The following UNC13C variants were observed in gnomAD, a reference collection of about 807,000 sequenced individuals.
UNC13C encodes protein unc-13 homolog C.
Under a neutral mutation model 245.4 loss-of-function variants are expected in UNC13C, and 174 were observed. The ratio of observed to expected loss-of-function variants is 0.71; its 90% CI spans 0.63 to 0.80. The LOEUF is 0.80. Among genes scored for constraint, UNC13C ranks in the 30% least tolerant of loss-of-function variants. The pLI, the probability that UNC13C is intolerant of heterozygous loss-of-function variation, is 0.00. For missense variants in UNC13C, 2,829 were observed against 2,602.9 expected, an observed-to-expected ratio of 1.09 and a Z score of -1.89; for synonymous variants, 992 against 895.1, an observed-to-expected ratio of 1.11 and a Z score of -1.93.
chr15:53,909,233 CT>C, the UNC13C span, among the ~76,000 whole-genome samples: 2 of 146,592 alleles, frequency 1.4e-5, no homozygotes, highest in Non-Finnish European at 3.1e-5. Flanking sequence ...ATGTGTATCA[CT>C]TTTTAAAATT....
At chr15:54,042,994 C>G (rs1164170968) in intron 2 of UNC13C, among the ~76,000 whole-genome samples, 1 of 152,132 alleles carries the variant, frequency 6.6e-6, no homozygotes, top group East Asian at 1.9e-4. Context: ...GCTCCCTATT[C>G]AGCCTGGAAA....
intron 10 of UNC13C, among the ~76,000 whole-genome samples, chr15:54,270,123 A>AT (rs1461236978): frequency 6.6e-6 from 1 of 152,326 alleles, no homozygotes; most frequent in South Asian, 2.1e-4. Context: ...CAGAAATACT[A>AT]TTTTGAAGCT....
At chr15:54,139,283 C>A (rs1052143653) in intron 2 of UNC13C, among the ~76,000 whole-genome samples, 3 of 151,878 alleles carry the variant, frequency 2.0e-5, no homozygotes, top group African/African-American at 7.3e-5. Context: ...TATAAGAACA[C>A]CAATCACAGT....
chr15:54,605,262 G>C (rs1000320503), intron 30 of UNC13C, among the ~76,000 whole-genome samples: 8 of 152,260 alleles, frequency 5.3e-5, no homozygotes, highest in South Asian at 4.2e-4. Flanking sequence ...AGTTCTAAGA[G>C]GGGCCACAGT....
intron 22 of UNC13C, among the ~76,000 whole-genome samples, chr15:54,506,411 CT>C (rs1310165176): frequency 6.6e-6 from 1 of 152,022 alleles, no homozygotes; most frequent in Non-Finnish European, 1.5e-5. Flanking sequence ...ATAATTCAGT[CT>C]GATCAGTCAT....
intron 19 of UNC13C, among the ~76,000 whole-genome samples, chr15:54,423,214 G>C (rs2040689612): frequency 6.6e-6 from 1 of 151,690 alleles, no homozygotes; most frequent in Non-Finnish European, 1.5e-5. Context: ...CTGATGGGTT[G>C]AAGCTAGCAG....
chr15:53,901,545 G>A, the UNC13C span, among the ~76,000 whole-genome samples: 7 of 151,948 alleles, frequency 4.6e-5, no homozygotes, highest in Non-Finnish European at 1.0e-4. Context: ...CTATTACTTG[G>A]ATGTGCCATA....
At chr15:54,040,654 A>G (rs1896772242) in intron 2 of UNC13C, among the ~76,000 whole-genome samples, 1 of 152,146 alleles carries the variant, frequency 6.6e-6, no homozygotes, top group Non-Finnish European at 1.5e-5. Context: ...TGCCCCAAGT[A>G]CTGGCTTAGG....
At chr15:54,616,676 A>G (rs986716346) in intron 30 of UNC13C, among the ~76,000 whole-genome samples, 13 of 152,088 alleles carry the variant, frequency 8.5e-5, no homozygotes, top group African/African-American at 2.7e-4. Context: ...ACTATGAAAG[A>G]GTCAAAAGGT....
At chr15:54,354,913 T>G (rs1419479750) in intron 17 of UNC13C, among the ~76,000 whole-genome samples, 1 of 152,204 alleles carries the variant, frequency 6.6e-6, no homozygotes, top group Non-Finnish European at 1.5e-5. Context: ...TAAGAGGTGA[T>G]TGGGCCACAA....
At chr15:54,305,613 A>C (rs552989241) in intron 13 of UNC13C, among the ~76,000 whole-genome samples, 8 of 152,072 alleles carry the variant, frequency 5.3e-5, no homozygotes, top group Non-Finnish European at 1.0e-4. Flanking sequence ...GAACAACAAC[A>C]ATAAAAGTAA....
At chr15:54,616,135 T>A (rs1596683638) in intron 30 of UNC13C, among the ~76,000 whole-genome samples, 2 of 152,016 alleles carry the variant, frequency 1.3e-5, no homozygotes, top group South Asian at 4.1e-4. Flanking sequence ...CTCATCAATT[T>A]CTCAGCAACA....
At chr15:54,510,464 T>G (rs1894684146) in intron 23 of UNC13C, among the ~76,000 whole-genome samples, 1 of 151,316 alleles carries the variant, frequency 6.6e-6, no homozygotes, top group South Asian at 2.1e-4. Flanking sequence ...TCAGAATCAT[T>G]TGTGGAACAT....
intron 18 of UNC13C, among the ~76,000 whole-genome samples, chr15:54,404,550 T>C (rs2040255843): frequency 6.6e-6 from 1 of 152,100 alleles, no homozygotes; most frequent in Non-Finnish European, 1.5e-5. Context: ...TATGACTGCA[T>C]TGAAAATGAA....
intron 10 of UNC13C, among the ~76,000 whole-genome samples, chr15:54,268,349 A>G (rs1302065746): frequency 1.3e-5 from 2 of 152,214 alleles, no homozygotes; most frequent in South Asian, 2.1e-4. Flanking sequence ...TTTTGAAAAC[A>G]TGCAGTATTT....
intron 19 of UNC13C, among the ~76,000 whole-genome samples, chr15:54,490,584 C>T (rs989606291): frequency 4.0e-4 from 60 of 151,820 alleles, no homozygotes; most frequent in Admixed American, 1.2e-3. Flanking sequence ...GACCAGAATG[C>T]GGCCTACTGC....
chr15:54,320,841 C>G, intron 13 of UNC13C: 1 of 314,954 alleles, frequency 3.2e-6, no homozygotes, highest in South Asian at 2.9e-5. Context: ...GCTTCTGCCT[C>G]CAAAGTTTCT....
chr15:53,967,158 A>T, the UNC13C span, among the ~76,000 whole-genome samples: 21 of 152,112 alleles, frequency 1.4e-4, no homozygotes, highest in South Asian at 4.1e-3. Context: ...CTATTAGGTT[A>T]CGGTTTATGT....
intron 2 of UNC13C, among the ~76,000 whole-genome samples, chr15:54,110,784 A>G (rs1379399304): frequency 6.6e-6 from 1 of 152,152 alleles, no homozygotes; most frequent in African/African-American, 2.4e-5. Context: ...CTTGAACAGA[A>G]CTGATTGGCC....
Sources: allele counts gnomAD v4.1 joint callset (sites outside exome capture counted in the v4.1 genomes callset), GRCh38; gene constraint gnomAD v4.1.1; transcripts MANE v1.5; gene names NCBI Gene and HGNC (gene_info 2026-07-23, HGNC 2026-07-21).